GLI3: variants seen among roughly 807,000 people sequenced by gnomAD.
The protein encoded by GLI3 is transcription activator GLI3.
In GLI3, 20 loss-of-function variants were observed where a neutral mutation model predicts 100.8. That is an observed-to-expected ratio of 0.20 (90% CI 0.14 to 0.29). GLI3 has a LOEUF of 0.29. Among genes scored for constraint, GLI3 ranks in the 10% least tolerant of loss-of-function variants. The pLI, the probability that GLI3 is intolerant of heterozygous loss-of-function variation, is 1.00. For missense variants in GLI3, 2,040 were observed against 2,128.5 expected (o/e 0.96, Z 0.82); for synonymous variants, 938 against 860.5 (o/e 1.09, Z -1.58).
At chr7:42,023,360 G>C in intron 10 of GLI3, 108 bp downstream of exon 10, 1 of 1,136,986 alleles carries the variant, frequency 8.8e-7, no homozygotes, top group Non-Finnish European at 1.3e-6. Flanking sequence ...TCTCCAGTTC[G>C]CAATGCGGCT....
chr7:41,970,865 A>T (rs924586251), intron 13 of GLI3, among the ~76,000 whole-genome samples: 2 of 152,224 alleles, frequency 1.3e-5, no homozygotes, highest in Non-Finnish European at 2.9e-5. Context: ...TACAATTATT[A>T]TACAGGTAGG....
chr7:42,105,338 A>G (rs1420931513), intron 3 of GLI3, among the ~76,000 whole-genome samples: 2 of 152,194 alleles, frequency 1.3e-5, no homozygotes, highest in Non-Finnish European at 2.9e-5. Context: ...GAAGCAGATT[A>G]CATCTTTATC....
rs144064690 is a variant in GLI3, at chr7:41,961,971, TA to T, written c.*2358del. On this transcript the variant is annotated 3_prime_UTR_variant, in exon 15 of 15. Transcript: ENST00000395925. Reference sequence around the variant, plus strand: ...AAAGCAGTAGAAAGGAAAGCAAATATAAAAAAAAAAAGAAATAAAAGAAGAA... The same window carrying T: ...AAAGCAGTAGAAAGGAAAGCAAATATAAAAAAAAAAGAAATAAAAGAAGAA... 4,102 of 136,184 alleles carry T rather than the reference TA, an allele frequency of 0.03. 65 individuals carry two copies. Among genetic ancestry groups the T allele is most frequent in the Non-Finnish European group, 0.039 (2,413 of 62,102 alleles). 8.4% of individuals were successfully genotyped at this position (136,184 alleles called of 1,614,324 possible). A position where few individuals can be genotyped will look rare whatever the true frequency, so the allele number is the denominator to read the frequency against.
intron 3 of GLI3, among the ~76,000 whole-genome samples, chr7:42,090,066 A>G (rs1344582038): frequency 6.6e-6 from 1 of 152,226 alleles, no homozygotes; most frequent in Admixed American, 6.5e-5. Context: ...CCGTAACACA[A>G]TGATAAATAT....
In GLI3 at chr7:42,209,911, A is replaced by G. The variant is rs554599099; in HGVS notation, c.124+13219T>C. Among the ~76,000 whole-genome samples, 94 of 145,488 alleles carry G rather than the reference A, an allele frequency of 6.5e-4. 2 individuals carry two copies. The South Asian group carries it at 0.02, about 31-fold the overall frequency. ...CATTTGACCTAAATTTTCCAAGTGA[A>G]AGTTAGAGCTCCAAATACTCCCTGT... On this transcript the variant is annotated intron_variant, in intron 2 of 14. Transcript: ENST00000395925.
chr7:41,977,733 C>T lies in GLI3; in HGVS notation c.1648-11G>A. The T allele has an allele frequency of 6.2e-7, 1 of 1,613,232 alleles. No homozygotes were observed. Among genetic ancestry groups the T allele is most frequent in the Non-Finnish European group, 8.5e-7 (1 of 1,179,160 alleles). ...TGTGCAACCTTCAAACTGAGGACAA[C>T]AGGTAAATCTGGATTACTCTGCACA... On this transcript the variant is annotated splice_polypyrimidine_tract_variant and intron_variant, in intron 11 of 14. Coordinates refer to ENST00000395925, the MANE Select transcript of GLI3 (RefSeq NM_000168.6).
chr7:42,247,251 A>C (rs1020809692), intron 1 of GLI3, among the ~76,000 whole-genome samples: 1 of 152,172 alleles, frequency 6.6e-6, no homozygotes, highest in East Asian at 1.9e-4. Flanking sequence ...TCCTTTCCTA[A>C]AGACTCCCAT....
chr7:41,962,921 C>G lies in GLI3; in HGVS notation c.*1409G>C, dbSNP rs533889729. On this transcript the variant is annotated 3_prime_UTR_variant, in exon 15 of 15. Transcript: ENST00000395925. Reference sequence around the variant, plus strand: ...CAATATGCTGGAAAATCCATGTACTCTTTGTGCACACACAGTATGACTTTT... The same window carrying G: ...CAATATGCTGGAAAATCCATGTACTGTTTGTGCACACACAGTATGACTTTT... 19 of 152,186 alleles carry G rather than the reference C, an allele frequency of 1.2e-4. No individual in the cohort carries two copies. The highest frequency in any genetic ancestry group is 2.2e-4 in the Non-Finnish European group (15 of 68,026). 9.4% of individuals were successfully genotyped at this position (152,186 alleles called of 1,614,324 possible).
At chr7:42,034,844 A>C (rs1205676522) in intron 7 of GLI3, among the ~76,000 whole-genome samples, 1 of 151,742 alleles carries the variant, frequency 6.6e-6, no homozygotes, top group Non-Finnish European at 1.5e-5. Context: ...TTGCTCATTC[A>C]TTCGTTTATT....
intron 1 of GLI3, among the ~76,000 whole-genome samples, chr7:42,228,532 T>C (rs975418979): frequency 6.6e-6 from 1 of 152,166 alleles, no homozygotes; most frequent in African/African-American, 2.4e-5. Flanking sequence ...AACTCTACAG[T>C]TGGCCCAGCC....
At chr7:42,120,583 C>T (rs989557743) in intron 3 of GLI3, among the ~76,000 whole-genome samples, 6 of 152,156 alleles carry the variant, frequency 3.9e-5, no homozygotes, top group Non-Finnish European at 7.3e-5. Context: ...TGTTTATTAC[C>T]CCCTCTCCTT....
In GLI3 at chr7:42,048,501, G is replaced by A; in HGVS notation, c.669C>T (p.Ser223=). ...CCATCCTGGACTTACCATCTGTAGG[G>A]CTCAGCCCACGGGTTGCTGAGATCA... The part of the protein sequence containing the change: ...LSMISATRGL[S]PTDAPHAGVS... The change falls in exon 5 of 15, where the codon AGC becomes AGT. Residue 223 remains serine (S), a synonymous_variant. Coordinates refer to ENST00000395925, the MANE Select transcript of GLI3 (RefSeq NM_000168.6). 2 of 1,608,870 alleles carry A rather than the reference G, an allele frequency of 1.2e-6. No homozygotes were observed. The highest frequency in any genetic ancestry group is 1.7e-6 in the Non-Finnish European group (2 of 1,175,688).
intron 1 of GLI3, among the ~76,000 whole-genome samples, chr7:42,232,442 A>G (rs1198812019): frequency 6.6e-6 from 1 of 152,236 alleles, no homozygotes; most frequent in African/African-American, 2.4e-5. Flanking sequence ...AGTGCTGGGC[A>G]GCATGGCCTG....
At chr7:42,127,885 G>A (rs1311567050) in intron 3 of GLI3, among the ~76,000 whole-genome samples, 2 of 152,060 alleles carry the variant, frequency 1.3e-5, no homozygotes, top group East Asian at 3.9e-4. Context: ...GGTGGCACAT[G>A]CCTGTGGTCC....
At chr7:42,234,359 AG>A (rs1385454544) in intron 1 of GLI3, among the ~76,000 whole-genome samples, 5 of 152,246 alleles carry the variant, frequency 3.3e-5, no homozygotes, top group Non-Finnish European at 7.3e-5. Context: ...CTAAGCACAG[AG>A]GAAGTCTGAA....
chr7:41,987,306 C>T (rs1195603221), intron 10 of GLI3, among the ~76,000 whole-genome samples: 1 of 151,926 alleles, frequency 6.6e-6, no homozygotes, highest in Admixed American at 6.5e-5. Flanking sequence ...GCAACTGGGA[C>T]TACAGGCATG....
At chr7:42,177,737 G>C in intron 2 of GLI3, among the ~76,000 whole-genome samples, 1 of 152,178 alleles carries the variant, frequency 6.6e-6, no homozygotes, top group East Asian at 1.9e-4. Flanking sequence ...ATAAGCAAGG[G>C]GAAGGTTTAA....
At chr7:42,060,305 G>A (rs900807357) in intron 4 of GLI3, among the ~76,000 whole-genome samples, 4 of 152,150 alleles carry the variant, frequency 2.6e-5, no homozygotes, top group African/African-American at 9.7e-5. Flanking sequence ...GGACCTGATA[G>A]GGAGTGAGCT....
chr7:42,076,536 T>G (rs1161312324), intron 4 of GLI3, among the ~76,000 whole-genome samples: 2 of 152,208 alleles, frequency 1.3e-5, no homozygotes, highest in African/African-American at 4.8e-5. Context: ...AGGAAATACT[T>G]GTCGGCGACC....
Sources: gnomAD v4.1 joint callset for allele counts (sites outside exome capture counted in the v4.1 genomes callset) on GRCh38, gnomAD v4.1.1 for gene constraint, MANE v1.5 for transcripts, NCBI Gene and HGNC (gene_info 2026-07-23, HGNC 2026-07-21) for gene names.